Variants in RAD51B observed in about 807,000 individuals in gnomAD.
RAD51B encodes the protein DNA repair protein RAD51 homolog 2.
In RAD51B, 38 loss-of-function variants were observed where a neutral mutation model predicts 42.2. The observed-to-expected ratio is 0.90, with a 90% CI of 0.70 to 1.18. The LOEUF (loss-of-function observed/expected upper bound fraction) is 1.18, where lower values mean the gene tolerates loss of function less well. RAD51B is among the 50% of genes most tolerant of loss of function. RAD51B has a pLI of 0.00. For synonymous variants in RAD51B, 154 were observed against 145.2 expected, an observed-to-expected ratio of 1.06 and a Z score of -0.43; for missense variants, 373 against 400.7, an observed-to-expected ratio of 0.93 and a Z score of 0.59.
At chr14:68,650,139 G>A (rs994651771) in intron 10 of RAD51B, among the ~76,000 whole-genome samples, 2 of 152,156 alleles carry the variant, frequency 1.3e-5, no homozygotes, top group Non-Finnish European at 1.5e-5. Flanking sequence ...TTTGACCACC[G>A]AAAGATTTTC....
intron 7 of RAD51B, among the ~76,000 whole-genome samples, chr14:68,224,986 C>A (rs1428543025): frequency 6.6e-6 from 1 of 151,878 alleles, no homozygotes; most frequent in Non-Finnish European, 1.5e-5. Context: ...CCACTGCGCC[C>A]GGCCCAAAAA....
intron 7 of RAD51B, among the ~76,000 whole-genome samples, chr14:68,098,893 G>A (rs879796103): frequency 6.6e-5 from 10 of 152,300 alleles, no homozygotes; most frequent in Admixed American, 5.2e-4. Flanking sequence ...TGTCCATGGC[G>A]GTGTTGCTGG....
chr14:67,938,511 C>T (rs180844654), intron 7 of RAD51B, among the ~76,000 whole-genome samples: 55 of 152,244 alleles, frequency 3.6e-4, no homozygotes, highest in Admixed American at 5.9e-4. Flanking sequence ...TAATTGAGGG[C>T]GTAGGCCTAT....
Position 68,371,036 on chromosome 14 carries a change from C to CAAAAAA in RAD51B, c.854-40374_854-40369dup, listed in dbSNP as rs75617123. On this transcript the variant is annotated intron_variant, in intron 8 of 10. Coordinates refer to ENST00000471583, the MANE Select transcript of RAD51B (RefSeq NM_133510.4). ...TGGGCAACAGAGCAAGACTCTGTCTCAAAAAAAAAAAAAAAAAAAGAAAAA... is the reference window on the plus strand; with the variant it reads ...TGGGCAACAGAGCAAGACTCTGTCTCAAAAAAAAAAAAAAAAAAAAAAAAAGAAAAA... 2.3e-3 allele frequency among the ~76,000 whole-genome samples: 59 copies of CAAAAAA among 25,990 alleles called. 2 individuals carry two copies. Among genetic ancestry groups the CAAAAAA allele is most frequent in the East Asian group, 4.9e-3 (3 of 618 alleles). 17.1% of individuals were successfully genotyped at this position (25,990 alleles called of 152,430 possible).
At chr14:68,146,203 G>A (rs2588829) in intron 7 of RAD51B, among the ~76,000 whole-genome samples, 118,855 of 152,164 alleles carry the variant, frequency 0.78, 47,120 homozygotes, top group East Asian at 0.98. Context: ...TAATCCTAGC[G>A]CTTTGGGAGG....
At chr14:67,833,402 T>G (rs1255663709) in intron 3 of RAD51B, among the ~76,000 whole-genome samples, 1 of 152,064 alleles carries the variant, frequency 6.6e-6, no homozygotes, top group African/African-American at 2.4e-5. Flanking sequence ...AATTTCAGAA[T>G]TGTATTATAT....
chr14:68,094,716 G>A (rs577662373), intron 7 of RAD51B, among the ~76,000 whole-genome samples: 8 of 152,294 alleles, frequency 5.3e-5, no homozygotes, highest in African/African-American at 1.7e-4. Flanking sequence ...TATCCCCACA[G>A]TCAGGGTGAA....
At chr14:67,864,800 C>T in intron 4 of RAD51B, 1 of 824,290 alleles carries the variant, frequency 1.2e-6, no homozygotes, top group East Asian at 3.1e-5. Flanking sequence ...TGGTACATAA[C>T]TAGTGCCAAT....
chr14:68,322,207 C>T (rs1956529), intron 8 of RAD51B, among the ~76,000 whole-genome samples: 74,143 of 152,084 alleles, frequency 0.49, 21,295 homozygotes, highest in South Asian at 0.65. Flanking sequence ...GAACTATGTT[C>T]GACTTCTGTA....
intron 7 of RAD51B, among the ~76,000 whole-genome samples, chr14:68,019,482 A>G (rs2075828663): frequency 6.6e-6 from 1 of 152,200 alleles, no homozygotes; most frequent in African/African-American, 2.4e-5. Context: ...TTGATTCTTG[A>G]AAATCATGGG....
intron 8 of RAD51B, among the ~76,000 whole-genome samples, chr14:68,346,268 C>T (rs1380369287): frequency 6.6e-6 from 1 of 152,202 alleles, no homozygotes; most frequent in Non-Finnish European, 1.5e-5. Flanking sequence ...GCCTGAAGCG[C>T]AACTTCATTT....
chr14:68,569,431 C>T lies in RAD51B; in HGVS notation c.1037-25054C>T, dbSNP rs542171117. ...GCTCGTTTTGTGTTTCAGTAATGAG[C>T]GCTCTTTCTCCCCTTGGATGCACTC... On this transcript the variant is annotated intron_variant, in intron 10 of 10. Transcript: ENST00000487270. Among the ~76,000 whole-genome samples, 7 of 152,340 alleles carry T rather than the reference C, an allele frequency of 4.6e-5. No homozygotes were observed. The South Asian group carries it at 1.5e-3, about 32-fold the overall frequency.
chr14:68,246,924 A>C (rs937723304), intron 7 of RAD51B, among the ~76,000 whole-genome samples: 1 of 152,160 alleles, frequency 6.6e-6, no homozygotes, highest in African/African-American at 2.4e-5. Flanking sequence ...AGTTCTGATA[A>C]AGGACACAAA....
At chr14:68,072,099 T>C (rs915573924) in intron 7 of RAD51B, among the ~76,000 whole-genome samples, 5 of 130,648 alleles carry the variant, frequency 3.8e-5, no homozygotes, top group South Asian at 4.4e-4. Flanking sequence ...ATATATAATA[T>C]ATAAAATATA....
intron 8 of RAD51B, among the ~76,000 whole-genome samples, chr14:68,380,203 T>C (rs1472089106): frequency 5.9e-5 from 9 of 152,192 alleles, no homozygotes; most frequent in Non-Finnish European, 1.5e-5. Context: ...ATTGTCTGGC[T>C]CCACTTGACC....
chr14:68,260,308 T>TGG (rs1206023571), intron 7 of RAD51B, among the ~76,000 whole-genome samples: 1 of 128,754 alleles, frequency 7.8e-6, no homozygotes, highest in African/African-American at 4.7e-5. Context: ...CGTGTGTGTG[T>TGG]GTGTGTGTGT....
In RAD51B at chr14:67,934,864, G is replaced by A. The variant is rs144680226; in HGVS notation, c.756+47660G>A. 9.3e-4 allele frequency among the ~76,000 whole-genome samples: 142 copies of A among 152,308 alleles called. 1 individual carries two copies. The highest frequency in any genetic ancestry group is 3.2e-3 in the African/African-American group (131 of 41,566). ...TGGTAGGATCAGATGAGAAACCTCA[G>A]CAAGGTGTCTCCTGGTTATAGTCTA... On this transcript the variant is annotated intron_variant, in intron 7 of 10. Transcript: ENST00000471583.
chr14:68,241,546 A>G (rs562161518), intron 7 of RAD51B, among the ~76,000 whole-genome samples: 1 of 152,366 alleles, frequency 6.6e-6, no homozygotes, highest in East Asian at 1.9e-4. Flanking sequence ...GTCTCAAAAT[A>G]TAAAAAAATA....
At chr14:68,013,959 G>T (rs2075731225) in intron 7 of RAD51B, among the ~76,000 whole-genome samples, 1 of 152,158 alleles carries the variant, frequency 6.6e-6, no homozygotes, top group African/African-American at 2.4e-5. Flanking sequence ...ATGCAGGACT[G>T]ACTGACCAAA....
Sources: allele counts gnomAD v4.1 joint callset (sites outside exome capture counted in the v4.1 genomes callset), GRCh38; gene constraint gnomAD v4.1.1; transcripts MANE v1.5; gene names NCBI Gene and HGNC (gene_info 2026-07-23, HGNC 2026-07-21).